Variants in JAZF1 observed in about 807,000 individuals in gnomAD.
JAZF1 encodes juxtaposed with another zinc finger protein 1.
Under a neutral mutation model 26.4 loss-of-function variants are expected in JAZF1, and 8 were observed. The observed-to-expected ratio is 0.30, with a 90% CI of 0.18 to 0.55. JAZF1 has a LOEUF of 0.55. Ranked by LOEUF, JAZF1 falls within the 20% of genes least tolerant of loss-of-function variation. The pLI is 0.94. For missense variants in JAZF1, 199 were observed against 322.0 expected, an observed-to-expected ratio of 0.62 and a Z score of 2.92; for synonymous variants, 126 against 122.3, an observed-to-expected ratio of 1.03 and a Z score of -0.20.
chr7:27,950,151 C>A (rs1784985295), intron 2 of JAZF1, among the ~76,000 whole-genome samples: 1 of 152,176 alleles, frequency 6.6e-6, no homozygotes, highest in Non-Finnish European at 1.5e-5. Context: ...ATGAGCATGT[C>A]AAATGAGACT....
chr7:28,001,171 T>C (rs1786151161), intron 1 of JAZF1, among the ~76,000 whole-genome samples: 1 of 151,760 alleles, frequency 6.6e-6, no homozygotes, highest in Admixed American at 6.6e-5. Context: ...CTGGGCAACC[T>C]GACAATACTC....
intron 1 of JAZF1, among the ~76,000 whole-genome samples, chr7:28,142,025 G>C (rs1204764119): frequency 6.6e-6 from 1 of 152,148 alleles, no homozygotes; most frequent in African/African-American, 2.4e-5. Flanking sequence ...TAGAAACAAT[G>C]AGGCAGTTCT....
At chr7:28,102,490 A>G (rs1436785536) in intron 1 of JAZF1, among the ~76,000 whole-genome samples, 1 of 152,216 alleles carries the variant, frequency 6.6e-6, no homozygotes, top group Non-Finnish European at 1.5e-5. Context: ...CTTGCAAACC[A>G]TATCATAAAT....
At chr7:28,144,531 A>G (rs1472726640) in intron 1 of JAZF1, among the ~76,000 whole-genome samples, 1 of 152,106 alleles carries the variant, frequency 6.6e-6, no homozygotes, top group African/African-American at 2.4e-5. Context: ...CAGTGACACC[A>G]CTCTGTCACC....
chr7:28,055,842 T>C (rs889503705), intron 1 of JAZF1, among the ~76,000 whole-genome samples: 52 of 152,300 alleles, frequency 3.4e-4, no homozygotes, highest in African/African-American at 1.2e-3. Context: ...AAGCAATACG[T>C]ATAATATAAG....
chr7:28,032,990 C>A (rs1783218316), intron 1 of JAZF1, among the ~76,000 whole-genome samples: 2 of 152,186 alleles, frequency 1.3e-5, no homozygotes, highest in African/African-American at 4.8e-5. Context: ...AGCATCTCCT[C>A]TCAGTCCTTG....
intron 1 of JAZF1, among the ~76,000 whole-genome samples, chr7:28,152,946 AAC>A (rs1020749803): frequency 4.6e-5 from 7 of 152,234 alleles, no homozygotes; most frequent in African/African-American, 1.7e-4. Flanking sequence ...TGTTTTTGAA[AAC>A]AGTGTAAATT....
chr7:27,957,033 G>A (rs894969592), intron 2 of JAZF1, among the ~76,000 whole-genome samples: 4 of 152,172 alleles, frequency 2.6e-5, no homozygotes, highest in African/African-American at 4.8e-5. Context: ...AGTTCGTGCC[G>A]CTGACTCAGT....
chr7:27,931,547 G>T (rs1285470316), intron 2 of JAZF1, among the ~76,000 whole-genome samples: 1 of 152,220 alleles, frequency 6.6e-6, no homozygotes, highest in Non-Finnish European at 1.5e-5. Context: ...GGGCGTGGTG[G>T]CTCATGCCTG....
At chr7:27,887,588 G>C (rs574717213) in intron 3 of JAZF1, among the ~76,000 whole-genome samples, 1 of 152,038 alleles carries the variant, frequency 6.6e-6, no homozygotes, top group South Asian at 2.1e-4. Context: ...GCTAATTTTT[G>C]TATTTTTAGT....
chr7:27,959,408 T>A (rs543647743), intron 2 of JAZF1, among the ~76,000 whole-genome samples: 1 of 152,370 alleles, frequency 6.6e-6, no homozygotes, highest in African/African-American at 2.4e-5. Context: ...ATAGCACTGA[T>A]CATTTGAGCT....
intron 1 of JAZF1, among the ~76,000 whole-genome samples, chr7:28,087,674 G>A (rs998728807): frequency 6.6e-6 from 1 of 152,046 alleles, no homozygotes; most frequent in Non-Finnish European, 1.5e-5. Flanking sequence ...ATTTATCAAG[G>A]ACTCATTTTC....
intron 1 of JAZF1, among the ~76,000 whole-genome samples, chr7:28,146,022 C>A (rs956440269): frequency 1.3e-5 from 2 of 152,072 alleles, no homozygotes; most frequent in Admixed American, 6.6e-5. Flanking sequence ...TTCCTAGAAG[C>A]CTTAAGATAA....
intron 1 of JAZF1, among the ~76,000 whole-genome samples, chr7:28,090,057 T>C (rs1784269706): frequency 6.6e-6 from 1 of 152,230 alleles, no homozygotes; most frequent in African/African-American, 2.4e-5. Context: ...ATGGTGCCAT[T>C]GTCAGTCAAG....
intron 1 of JAZF1, among the ~76,000 whole-genome samples, chr7:28,034,361 AGGGAGAAGAACAATT>A (rs2128375561): frequency 6.6e-6 from 1 of 152,202 alleles, no homozygotes; most frequent in Non-Finnish European, 1.5e-5. Flanking sequence ...GACAAACAAC[AGGGAGAAGAACAATT>A]GGAAGCACAA....
intron 1 of JAZF1, among the ~76,000 whole-genome samples, chr7:28,161,084 G>A (rs768162972): frequency 3.7e-4 from 56 of 151,908 alleles, no homozygotes; most frequent in African/African-American, 1.2e-3. Context: ...CAGCTTCCTC[G>A]TTTGTAAATT....
At chr7:27,914,366 T>G (rs1217472228) in intron 2 of JAZF1, among the ~76,000 whole-genome samples, 1 of 152,086 alleles carries the variant, frequency 6.6e-6, no homozygotes, top group Non-Finnish European at 1.5e-5. Flanking sequence ...TAAAGCCAAC[T>G]GTGGGGAGTA....
At chr7:27,913,205 A>T (rs1272529128) in intron 2 of JAZF1, among the ~76,000 whole-genome samples, 2 of 151,020 alleles carry the variant, frequency 1.3e-5, no homozygotes, top group East Asian at 3.9e-4. Context: ...ATTAAAAAAA[A>T]ATTTATATAC....
intron 1 of JAZF1, among the ~76,000 whole-genome samples, chr7:28,097,715 G>A (rs1477572092): frequency 6.6e-6 from 1 of 152,214 alleles, no homozygotes; most frequent in African/African-American, 2.4e-5. Flanking sequence ...GTAGCTGAAT[G>A]AAGGGGAAGG....
Sources: gnomAD v4.1 joint callset for allele counts (sites outside exome capture counted in the v4.1 genomes callset) on GRCh38, gnomAD v4.1.1 for gene constraint, MANE v1.5 for transcripts, NCBI Gene and HGNC (gene_info 2026-07-23, HGNC 2026-07-21) for gene names.